SDK1: variants seen among roughly 807,000 people sequenced by gnomAD.
SDK1 encodes protein sidekick-1.
Under a neutral mutation model 245.5 loss-of-function variants are expected in SDK1, and 157 were observed. The ratio of observed to expected loss-of-function variants is 0.64; its 90% CI spans 0.56 to 0.73. The LOEUF is 0.73. SDK1 is among the 30% of genes least tolerant of loss of function. The pLI is 0.00. For synonymous variants in SDK1, 1,647 were observed against 1,278.5 expected (o/e 1.29, Z -6.15); for missense variants, 3,583 against 3,002.3 (o/e 1.19, Z -4.52).
rs1264912196 is a variant in SDK1, at chr7:4,061,535, G to A, written c.2912-6303G>A. Among the ~76,000 whole-genome samples, 13 of 152,184 alleles carry A rather than the reference G, an allele frequency of 8.5e-5. No homozygotes were observed. The South Asian group carries it at 2.5e-3, about 29-fold the overall frequency. ...AGGAACACTTTTACATTGTTGGTGGGACTGTAAACTAGTTCAACCATTGTG... is the reference window on the plus strand; with the variant it reads ...AGGAACACTTTTACATTGTTGGTGGAACTGTAAACTAGTTCAACCATTGTG... On this transcript the variant is annotated intron_variant, in intron 19 of 44. Transcript: ENST00000404826.
chr7:3,351,328 A>G lies in SDK1; in HGVS notation c.298+49444A>G, dbSNP rs554294971. Among the ~76,000 whole-genome samples, 116 of 152,324 alleles carry G rather than the reference A, an allele frequency of 7.6e-4. 1 individual carries two copies. Among genetic ancestry groups the G allele is most frequent in the African/African-American group, 2.5e-3 (102 of 41,580 alleles). On this transcript the variant is annotated intron_variant, in intron 1 of 44. Transcript: ENST00000404826. ...AATCATTTTACCTAACAATTTATTG[A>G]TATTACTCAACACAAGGAGAAAAAT...
intron 4 of SDK1, among the ~76,000 whole-genome samples, chr7:3,771,179 G>C (rs1231244451): frequency 6.6e-6 from 1 of 152,050 alleles, no homozygotes; most frequent in African/African-American, 2.4e-5. Flanking sequence ...TCTTCTCTCT[G>C]TGGTCTCTGA....
chr7:3,483,822 A>T (rs1489747179), intron 1 of SDK1, among the ~76,000 whole-genome samples: 4 of 152,188 alleles, frequency 2.6e-5, no homozygotes, highest in African/African-American at 9.7e-5. Flanking sequence ...ATTCATTGGA[A>T]CATTTCTTTT....
intron 13 of SDK1, among the ~76,000 whole-genome samples, chr7:3,975,864 A>G (rs527419708): frequency 6.6e-6 from 1 of 152,294 alleles, no homozygotes; most frequent in South Asian, 2.1e-4. Context: ...AGCCGGCGGC[A>G]GTGGTGCGGG....
chr7:3,369,298 C>T (rs376169642), intron 1 of SDK1, among the ~76,000 whole-genome samples: 1 of 152,128 alleles, frequency 6.6e-6, no homozygotes, highest in East Asian at 1.9e-4. Flanking sequence ...GCCTCGGCCT[C>T]CCAAAGTGCT....
At chr7:3,993,933 T>C (rs1784525294) in intron 14 of SDK1, among the ~76,000 whole-genome samples, 1 of 152,174 alleles carries the variant, frequency 6.6e-6, no homozygotes, top group Admixed American at 6.5e-5. Flanking sequence ...CAAGCAATGC[T>C]CTTGATCACT....
At chr7:3,947,599 G>A (rs1780632240) in intron 5 of SDK1, among the ~76,000 whole-genome samples, 1 of 149,480 alleles carries the variant, frequency 6.7e-6, no homozygotes, top group Non-Finnish European at 1.5e-5. Flanking sequence ...GTTTCACTAT[G>A]TATATCTTTT....
chr7:4,035,457 A>G (rs1180490405), intron 17 of SDK1, among the ~76,000 whole-genome samples: 1 of 152,176 alleles, frequency 6.6e-6, no homozygotes, highest in African/African-American at 2.4e-5. Context: ...ATGTACTCTA[A>G]GGACAAAGAA....
At chr7:3,378,373 G>A (rs1300753812) in intron 1 of SDK1, among the ~76,000 whole-genome samples, 1 of 152,160 alleles carries the variant, frequency 6.6e-6, no homozygotes, top group Non-Finnish European at 1.5e-5. Flanking sequence ...TGGGTGGGAC[G>A]GGAGGTAGAC....
chr7:3,454,564 T>C (rs1048401829), intron 1 of SDK1, among the ~76,000 whole-genome samples: 1 of 152,206 alleles, frequency 6.6e-6, no homozygotes. Flanking sequence ...TCTGATCAGC[T>C]GCAATAACAC....
intron 4 of SDK1, among the ~76,000 whole-genome samples, chr7:3,655,261 C>T (rs554241508): frequency 1.3e-5 from 2 of 151,126 alleles, no homozygotes; most frequent in South Asian, 2.1e-4. Context: ...TGGAGAAACA[C>T]TGTCTCTACT....
rs142033301 is a variant in SDK1, at chr7:4,159,674, C to A, written c.4729+1123C>A. On this transcript the variant is annotated intron_variant, in intron 31 of 44. Transcript: ENST00000404826. ...TGAGCCCTGCTGGGCCCTGAGGAGC[C>A]GGGCTGAGCCCCAGGAGCTCACTGT... 5.9e-5 allele frequency among the ~76,000 whole-genome samples: 9 copies of A among 152,318 alleles called. No homozygotes were observed. In the East Asian group the frequency reaches 1.7e-3, roughly 29 times the overall value.
intron 12 of SDK1, among the ~76,000 whole-genome samples, chr7:3,972,373 C>G (rs1782557679): frequency 6.6e-6 from 1 of 152,160 alleles, no homozygotes; most frequent in Non-Finnish European, 1.5e-5. Flanking sequence ...GCTGCCGTGC[C>G]CGGCCAAGGG....
chr7:3,870,227 T>C (rs967462558), intron 5 of SDK1, among the ~76,000 whole-genome samples: 3 of 152,322 alleles, frequency 2.0e-5, no homozygotes, highest in African/African-American at 7.2e-5. Flanking sequence ...ATTTTTGATA[T>C]ATTCAACTTA....
intron 33 of SDK1, 28 bp downstream of exon 33, chr7:4,174,385 A>T (rs766175273): frequency 6.2e-7 from 1 of 1,610,710 alleles, no homozygotes; most frequent in Non-Finnish European, 8.5e-7. Context: ...GTCCTGGTAC[A>T]GGGAGGGAGG....
At chr7:3,558,598 T>G (rs1377804692) in intron 1 of SDK1, among the ~76,000 whole-genome samples, 1 of 151,606 alleles carries the variant, frequency 6.6e-6, no homozygotes, top group African/African-American at 2.4e-5. Flanking sequence ...GTGAAGGGAG[T>G]AAGAGCTGGG....
At chr7:3,621,110 G>T (rs1183348293) in intron 2 of SDK1, among the ~76,000 whole-genome samples, 5 of 152,142 alleles carry the variant, frequency 3.3e-5, no homozygotes, top group African/African-American at 1.2e-4. Flanking sequence ...CATTTGCAGT[G>T]TTGTGAGCAT....
chr7:3,566,370 A>C (rs1340931913), intron 1 of SDK1, among the ~76,000 whole-genome samples: 1 of 151,622 alleles, frequency 6.6e-6, no homozygotes, highest in Non-Finnish European at 1.5e-5. Context: ...GACTACAGGC[A>C]CCCGCCATCA....
intron 28 of SDK1, among the ~76,000 whole-genome samples, chr7:4,143,740 T>C (rs1779750329): frequency 6.6e-6 from 1 of 152,110 alleles, no homozygotes; most frequent in South Asian, 2.1e-4. Context: ...GCATGGGTGT[T>C]TGCTTCTCCC....
Sources: gnomAD v4.1 joint callset for allele counts (sites outside exome capture counted in the v4.1 genomes callset) on GRCh38, gnomAD v4.1.1 for gene constraint, MANE v1.5 for transcripts, NCBI Gene and HGNC (gene_info 2026-07-23, HGNC 2026-07-21) for gene names.